SPATA22: variants seen among roughly 807,000 people sequenced by gnomAD.
SPATA22 encodes spermatogenesis associated 22.
Under a neutral mutation model 47.8 loss-of-function variants are expected in SPATA22, and 29 were observed. That is an observed-to-expected ratio of 0.61 (90% confidence interval 0.45 to 0.83). SPATA22 has a LOEUF of 0.83. Ranked by LOEUF, SPATA22 falls within the 40% of genes least tolerant of loss-of-function variation. SPATA22 has a pLI of 0.00. For synonymous variants in SPATA22, 133 were observed against 140.9 expected (o/e 0.94, Z 0.40); for missense variants, 410 against 421.7 (o/e 0.97, Z 0.24).
At chr17:3,463,703 G>A (rs1180268539) in intron 3 of SPATA22, among the ~76,000 whole-genome samples, 1 of 152,080 alleles carries the variant, frequency 6.6e-6, no homozygotes, top group Non-Finnish European at 1.5e-5. Context: ...CAGCTACTAT[G>A]TCACCAGGAG....
chr17:3,463,933 C>CCATCTCCCTCTG (rs2073197383), intron 3 of SPATA22, among the ~76,000 whole-genome samples: 1 of 99,526 alleles, frequency 1.0e-5, no homozygotes, highest in Non-Finnish European at 2.2e-5. Flanking sequence ...CTCTCCCTCT[C>CCATCTCCCTCTG]CCTCTCCCTC....
intron 1 of SPATA22, among the ~76,000 whole-genome samples, chr17:3,504,559 T>C (rs1023243050): frequency 3.4e-5 from 5 of 149,170 alleles, no homozygotes; most frequent in African/African-American, 7.4e-5. Flanking sequence ...CTTTTCTTTT[T>C]TTTTTTTTTT....
chr17:3,484,354 T>C (rs970794664), intron 1 of SPATA22, among the ~76,000 whole-genome samples: 1 of 152,148 alleles, frequency 6.6e-6, no homozygotes, highest in African/African-American at 2.4e-5. Flanking sequence ...TCGTATGTGA[T>C]GAGAAAACAG....
chr17:3,508,451 G>A (rs371537139), intron 1 of SPATA22, among the ~76,000 whole-genome samples: 9 of 151,314 alleles, frequency 5.9e-5, no homozygotes, highest in African/African-American at 1.5e-4. Flanking sequence ...ACATGCACAC[G>A]TATGTTTATT....
chr17:3,465,250 G>T, intron 3 of SPATA22, among the ~76,000 whole-genome samples: 1 of 108,228 alleles, frequency 9.2e-6, no homozygotes, highest in Non-Finnish European at 2.1e-5. Flanking sequence ...GAGCCCCTCT[G>T]CCCGGCCACC....
At chr17:3,492,304 G>A (rs1435651712) in intron 1 of SPATA22, among the ~76,000 whole-genome samples, 1 of 152,174 alleles carries the variant, frequency 6.6e-6, no homozygotes, top group Non-Finnish European at 1.5e-5. Context: ...AAACATAGAT[G>A]GAAGTTAGGC....
At chr17:3,499,174 C>T in intron 1 of SPATA22, 1 of 1,406,706 alleles carries the variant, frequency 7.1e-7, no homozygotes, top group Non-Finnish European at 9.8e-7. Context: ...GTGCCTTATT[C>T]AACTGCATAC....
At chr17:3,456,868 TC>T (rs1268825448) in intron 5 of SPATA22, among the ~76,000 whole-genome samples, 3 of 151,360 alleles carry the variant, frequency 2.0e-5, no homozygotes, top group Non-Finnish European at 4.4e-5. Flanking sequence ...GTGGGCTTCA[TC>T]CCTGGGATGC....
chr17:3,447,633 AC>A (rs2072757590), intron 6 of SPATA22, among the ~76,000 whole-genome samples: 1 of 152,200 alleles, frequency 6.6e-6, no homozygotes, highest in South Asian at 2.1e-4. Flanking sequence ...GCTTTTTCAG[AC>A]ATAAGGGCAG....
At chr17:3,459,578 G>GT (rs1159378722) in intron 5 of SPATA22, among the ~76,000 whole-genome samples, 1 of 152,000 alleles carries the variant, frequency 6.6e-6, no homozygotes, top group African/African-American at 2.4e-5. Context: ...GCTAATTTTT[G>GT]TATTTATTTG....
chr17:3,487,785 T>G (rs1389108111), intron 1 of SPATA22, among the ~76,000 whole-genome samples: 3 of 152,214 alleles, frequency 2.0e-5, no homozygotes, highest in African/African-American at 7.2e-5. Context: ...CCTTGAAGAT[T>G]GGAAGCCCAA....
At chr17:3,454,839 G>A (rs948216816) in intron 5 of SPATA22, among the ~76,000 whole-genome samples, 5 of 152,146 alleles carry the variant, frequency 3.3e-5, no homozygotes, top group Non-Finnish European at 7.3e-5. Flanking sequence ...TGGGTCAAAT[G>A]GTACTTCCAG....
chr17:3,484,628 C>A (rs2150749466), intron 1 of SPATA22, among the ~76,000 whole-genome samples: 1 of 152,286 alleles, frequency 6.6e-6, no homozygotes, highest in Admixed American at 6.5e-5. Flanking sequence ...TGCTATAGAG[C>A]AATACTTTTG....
At chr17:3,471,174 A>AAGGG (rs1440699185) in intron 1 of SPATA22, among the ~76,000 whole-genome samples, 1 of 151,382 alleles carries the variant, frequency 6.6e-6, no homozygotes, top group Non-Finnish European at 1.5e-5. Context: ...GAGAGGGAGG[A>AAGGG]AGGGAGGGAG....
At chr17:3,478,763 G>A (rs996564204) in intron 1 of SPATA22, among the ~76,000 whole-genome samples, 1 of 152,050 alleles carries the variant, frequency 6.6e-6, no homozygotes, top group African/African-American at 2.4e-5. Flanking sequence ...CTCCCATCCT[G>A]CCTCTCCCAA....
At position 3,444,354 on chromosome 17, in the gene SPATA22, T is replaced by C. The variant is rs543359687; in HGVS notation, c.803-1083A>G. ...CAGCATATTTTATTACTCAACTACG[T>C]AGTTCAGGGTTTCTGCAATAGGCAT... On this transcript the variant is annotated intron_variant, in intron 7 of 8. Transcript: ENST00000572969. Among the ~76,000 whole-genome samples the C allele has an allele frequency of 3.0e-4, 46 of 152,144 alleles. 1 individual carries two copies. In the Middle Eastern group the frequency reaches 0.017, roughly 56 times the overall value.
chr17:3,486,084 C>T (rs1420151475), intron 1 of SPATA22, among the ~76,000 whole-genome samples: 1 of 152,108 alleles, frequency 6.6e-6, no homozygotes, highest in Non-Finnish European at 1.5e-5. Flanking sequence ...AGGTGCCCAC[C>T]ACCATACCCA....
intron 1 of SPATA22, among the ~76,000 whole-genome samples, chr17:3,498,514 A>T (rs1567619567): frequency 1.3e-5 from 2 of 151,820 alleles, no homozygotes. Flanking sequence ...CACCCAGCTA[A>T]TTTTTCGTAT....
rs201732117 is a variant in SPATA22 at position 3,446,552 on chromosome 17, C to A, written c.722G>T (p.Arg241Ile). The A allele has an allele frequency of 3.7e-6, 6 of 1,603,824 alleles. No homozygotes were observed. The East Asian group carries it at 1.3e-4, about 36-fold the overall frequency. Reference sequence around the variant, plus strand: ...GCTTTCAATAACTGCAGAAATAATTCTTAAAGAACTAGCTTTTTCCTTAAA... The same window carrying A: ...GCTTTCAATAACTGCAGAAATAATTATTAAAGAACTAGCTTTTTCCTTAAA... Reference protein sequence around the residue: ...LQFKEKASSLRIISAVIESMK... With the variant: ...LQFKEKASSLIIISAVIESMK... Residue 241 changes from arginine to isoleucine, a missense_variant, in exon 7 of 9, where the codon AGA becomes ATA. Transcript: ENST00000572969.
Sources: gnomAD v4.1 joint callset for allele counts (sites outside exome capture counted in the v4.1 genomes callset) on GRCh38, gnomAD v4.1.1 for gene constraint, MANE v1.5 for transcripts, NCBI Gene and HGNC (gene_info 2026-07-23, HGNC 2026-07-21) for gene names.